EPB41L5: variants seen among roughly 807,000 people sequenced by gnomAD.
The protein encoded by EPB41L5 is erythrocyte membrane protein band 4.1 like 5.
In EPB41L5, 55 loss-of-function variants were observed where a neutral mutation model predicts 106.6. The observed-to-expected ratio is 0.52, with a 90% confidence interval of 0.42 to 0.65. The LOEUF is 0.65. Ranked by LOEUF, EPB41L5 falls within the 30% of genes least tolerant of loss-of-function variation. EPB41L5 has a pLI of 0.00. For synonymous variants in EPB41L5, 297 were observed against 306.7 expected (o/e 0.97, Z 0.33); for missense variants, 871 against 882.1 (o/e 0.99, Z 0.16).
chr2:120,020,946 G>A (rs1037352388), intron 2 of EPB41L5, among the ~76,000 whole-genome samples: 1 of 152,350 alleles, frequency 6.6e-6, no homozygotes, highest in South Asian at 2.1e-4. Flanking sequence ...ATGCTTAGCT[G>A]GGTGTATGTG....
In EPB41L5 at chr2:120,174,889, A is replaced by C. The variant is rs1476522736; in HGVS notation, c.2184A>C (p.Leu728Phe). ...AAGCTGTCCTGAAGCAGAAGTGTTT[A>C]CTGACCACTGAGCTCTGAGGGCCTG... is the stretch of plus-strand genomic sequence containing the variant. ...AEEAVLKQKC[L>F]LTTEL is the part of the protein sequence containing the mutation. Residue 728 changes from leucine (L) to phenylalanine (F), a missense_variant, in exon 25 of 25, where the codon TTA (leucine) becomes TTC (phenylalanine). Leu to Phe is a conservative substitution (Grantham distance 22). Transcript: ENST00000263713. 1 of 1,614,060 alleles carries C rather than the reference A, an allele frequency of 6.2e-7. No individual in the cohort carries two copies. The highest frequency in any genetic ancestry group is 1.7e-5 in the Admixed American group (1 of 60,014).
At chr2:120,126,812 A>G (rs1191442970) in intron 16 of EPB41L5, among the ~76,000 whole-genome samples, 4 of 152,214 alleles carry the variant, frequency 2.6e-5, no homozygotes, top group Non-Finnish European at 5.9e-5. Context: ...CTACAAAAAA[A>G]ATCCTGCTGG....
At chr2:120,067,474 G>A (rs1304144319) in intron 3 of EPB41L5, among the ~76,000 whole-genome samples, 1 of 152,212 alleles carries the variant, frequency 6.6e-6, no homozygotes, top group East Asian at 1.9e-4. Context: ...TTAGTTGGAT[G>A]TGTGTGTCCT....
At chr2:120,155,800 T>TAA (rs565011386) in intron 20 of EPB41L5, among the ~76,000 whole-genome samples, 22 of 145,752 alleles carry the variant, frequency 1.5e-4, no homozygotes, top group Admixed American at 8.9e-4. Flanking sequence ...ATTTTTTTAT[T>TAA]AAAAAAAAAA....
At chr2:120,170,597 G>C (rs1208890171) in intron 24 of EPB41L5, among the ~76,000 whole-genome samples, 1 of 152,230 alleles carries the variant, frequency 6.6e-6, no homozygotes, top group East Asian at 1.9e-4. Context: ...AGTAGAGTCT[G>C]CTAGCAAGAC....
chr2:120,083,809 G>T (rs556422153), intron 10 of EPB41L5, among the ~76,000 whole-genome samples: 4 of 152,300 alleles, frequency 2.6e-5, no homozygotes, highest in South Asian at 4.2e-4. Flanking sequence ...ATATATTTAG[G>T]ATAGTTAGCT....
chr2:120,067,842 A>G (rs1455502747), intron 3 of EPB41L5, among the ~76,000 whole-genome samples: 2 of 152,164 alleles, frequency 1.3e-5, no homozygotes, highest in Non-Finnish European at 2.9e-5. Context: ...GCACTGGAAT[A>G]TGGGGATACT....
At chr2:120,088,964 T>G (rs956181550) in intron 11 of EPB41L5, among the ~76,000 whole-genome samples, 2 of 152,220 alleles carry the variant, frequency 1.3e-5, no homozygotes, top group Admixed American at 6.5e-5. Flanking sequence ...ATGTTCTGGA[T>G]ATTAATTCTC....
chr2:120,031,022 G>T (rs940037751), intron 2 of EPB41L5, among the ~76,000 whole-genome samples: 1 of 151,870 alleles, frequency 6.6e-6, no homozygotes, highest in African/African-American at 2.4e-5. Flanking sequence ...GATTACAGGC[G>T]TCCGCCACCA....
intron 16 of EPB41L5, among the ~76,000 whole-genome samples, chr2:120,103,270 T>G (rs1387970522): frequency 1.3e-5 from 2 of 152,236 alleles, no homozygotes; most frequent in African/African-American, 4.8e-5. Context: ...TTCTTTCTAC[T>G]GGAGGACTCT....
At chr2:120,171,780 C>A (rs546462783) in intron 24 of EPB41L5, among the ~76,000 whole-genome samples, 2 of 152,194 alleles carry the variant, frequency 1.3e-5, no homozygotes, top group South Asian at 2.1e-4. Flanking sequence ...AGGTCCCAGA[C>A]ACATTCCAGA....
At position 120,100,813 on chromosome 2, in the gene EPB41L5, T is replaced by C; in HGVS notation, c.1336T>C (p.Cys446Arg). ...SPGTDQHDRK[C>R]IPLNIDLLNS... Reference sequence around the variant, plus strand: ...TGGAACAGACCAGCATGACAGGAAATGGTTTGTTAATTCCTTAAACTAAAA... The same window carrying C: ...TGGAACAGACCAGCATGACAGGAAACGGTTTGTTAATTCCTTAAACTAAAA... Residue 446 changes from cysteine to arginine, a missense_variant and splice_region_variant, in exon 16 of 25, where the codon TGC becomes CGC. Coordinates refer to ENST00000263713, the MANE Select transcript of EPB41L5 (RefSeq NM_020909.4). 1.3e-6 allele frequency: 2 copies of C among 1,579,998 alleles called. No homozygotes were observed. The highest frequency in any genetic ancestry group is 1.7e-6 in the Non-Finnish European group (2 of 1,157,100).
At position 120,176,060 on chromosome 2, in the gene EPB41L5, A is replaced by G. The variant is rs1687908809; in HGVS notation, c.*1153A>G. 1.3e-5 allele frequency: 2 copies of G among 152,786 alleles called. No individual in the cohort carries two copies. The highest frequency in any genetic ancestry group is 1.3e-4 in the Admixed American group (2 of 15,308). The allele number at this position is 152,786 out of a possible 1,614,324, so 9.5% of individuals were successfully genotyped here. The stretch of plus-strand genomic sequence containing the variant: ...TTCCCCATCCCTTTGGGCCTGTACA[A>G]AGAAATTCTGGATGTTAAAATAATA... On this transcript the variant is annotated 3_prime_UTR_variant, in exon 25 of 25. Transcript: ENST00000263713.
chr2:120,054,244 T>C (rs1680480688), intron 3 of EPB41L5, among the ~76,000 whole-genome samples: 1 of 152,218 alleles, frequency 6.6e-6, no homozygotes, highest in African/African-American at 2.4e-5. Context: ...CCTGATTTTT[T>C]AAAGTGTGTT....
At chr2:120,035,499 G>T (rs947115416) in intron 2 of EPB41L5, among the ~76,000 whole-genome samples, 9 of 152,070 alleles carry the variant, frequency 5.9e-5, no homozygotes, top group Non-Finnish European at 1.2e-4. Flanking sequence ...CATAGTAAGC[G>T]CTCTATTAAT....
At chr2:120,074,078 C>CT (rs752378294) in intron 4 of EPB41L5, 22 bp from the exon 5 acceptor site, 30,568 of 1,196,246 alleles carry the variant, frequency 0.026, 264 homozygotes, top group African/African-American at 0.12. Flanking sequence ...TTATTAAAAC[C>CT]TTTTTTTTTT....
chr2:120,076,109 AC>A (rs1682213856), intron 7 of EPB41L5, among the ~76,000 whole-genome samples: 1 of 152,170 alleles, frequency 6.6e-6, no homozygotes, highest in Admixed American at 6.5e-5. Flanking sequence ...CTCCAAACCT[AC>A]ATTTTGTTCA....
In EPB41L5 at chr2:120,178,785, T is replaced by C. The variant is rs1688001713; in HGVS notation, c.*3878T>C. The C allele has an allele frequency of 6.6e-6, 1 of 152,250 alleles. No individual in the cohort carries two copies. The highest frequency in any genetic ancestry group is 1.5e-5 in the Non-Finnish European group (1 of 68,042). 9.4% of individuals were successfully genotyped at this position (152,250 alleles called of 1,614,324 possible). A position where few individuals can be genotyped will look rare whatever the true frequency, so the allele number is the denominator to read the frequency against. The stretch of plus-strand genomic sequence containing the variant: ...ATCTGTAAGTCCCTATGTCACCACA[T>C]TGCTTGAGATGATCATTCAGTTACT... On this transcript the variant is annotated 3_prime_UTR_variant, in exon 25 of 25. Transcript: ENST00000263713.
At chr2:120,063,122 A>G (rs924223789) in intron 3 of EPB41L5, among the ~76,000 whole-genome samples, 3 of 152,060 alleles carry the variant, frequency 2.0e-5, no homozygotes, top group African/African-American at 7.2e-5. Context: ...GGCAGATCAT[A>G]TGAGGTCAGG....
Sources: gnomAD v4.1 joint callset for allele counts (sites outside exome capture counted in the v4.1 genomes callset) on GRCh38, gnomAD v4.1.1 for gene constraint, MANE v1.5 for transcripts, NCBI Gene and HGNC (gene_info 2026-07-23, HGNC 2026-07-21) for gene names.